SYNJ2: variants seen among roughly 807,000 people sequenced by gnomAD.
The protein encoded by SYNJ2 is synaptojanin 2, also known as polyphosphatidylinositol phosphatase SYNJ2.
SYNJ2 carries 116 observed loss-of-function variants against 141.3 expected under a neutral mutation model. That is an observed-to-expected ratio of 0.82 (90% CI 0.71 to 0.96). The LOEUF is 0.96. Ranked by LOEUF, SYNJ2 falls within the 40% of genes least tolerant of loss-of-function variation. The probability of loss-of-function intolerance (pLI) is 0.00; values close to 1 mark genes in which losing one functional copy is unlikely to be tolerated. For missense variants in SYNJ2, 1,873 were observed against 1,934.8 expected (o/e 0.97, Z 0.60); for synonymous variants, 745 against 777.7 (o/e 0.96, Z 0.70).
chr6:158,093,427 C>A (rs1783591870), intron 26 of SYNJ2, among the ~76,000 whole-genome samples: 1 of 143,432 alleles, frequency 7.0e-6, no homozygotes. Flanking sequence ...CAGAGTGAGA[C>A]TCCACCTCAA....
chr6:158,008,650 A>C (rs1275515447), intron 1 of SYNJ2, among the ~76,000 whole-genome samples: 1 of 152,166 alleles, frequency 6.6e-6, no homozygotes, highest in East Asian at 1.9e-4. Flanking sequence ...ATGTCACCCT[A>C]CTTTTCTTTG....
intron 2 of SYNJ2, among the ~76,000 whole-genome samples, chr6:158,020,678 GTGTGACTCCATGTA>G (rs1406426393): frequency 1.3e-5 from 2 of 151,146 alleles, no homozygotes; most frequent in Non-Finnish European, 3.0e-5. Context: ...GACTTCAGCT[GTGTGACTCCATGTA>G]TGTGACCCTA....
intron 25 of SYNJ2, among the ~76,000 whole-genome samples, chr6:158,090,695 G>T (rs1750035): frequency 2.0e-5 from 3 of 151,432 alleles, no homozygotes; most frequent in Non-Finnish European, 4.4e-5. Flanking sequence ...CAGGCGCGCA[G>T]CCCCATGATG....
chr6:158,059,752 A>G (rs12662866), intron 7 of SYNJ2, among the ~76,000 whole-genome samples: 1 of 152,026 alleles, frequency 6.6e-6, no homozygotes, highest in Non-Finnish European at 1.5e-5. Context: ...ACGGGGTTTC[A>G]CCATGTTGTT....
At chr6:158,069,332 G>A (rs1781765990) in intron 13 of SYNJ2, among the ~76,000 whole-genome samples, 1 of 152,124 alleles carries the variant, frequency 6.6e-6, no homozygotes, top group Non-Finnish European at 1.5e-5. Flanking sequence ...GTCAAGGGAG[G>A]GCTGCTGTGA....
chr6:158,033,772 G>A, intron 4 of SYNJ2, 92 bp downstream of exon 4: 1 of 1,325,248 alleles, frequency 7.5e-7, no homozygotes, highest in Non-Finnish European at 1.0e-6. Flanking sequence ...AAGAGGCCCT[G>A]GCATATTTGT....
Position 158,086,955 on chromosome 6 carries a change from GCCA to G in SYNJ2, c.3312_3314del (p.Pro1105del), listed in dbSNP as rs1367778544. The G allele has an allele frequency of 1.9e-6, 3 of 1,602,972 alleles. No homozygotes were observed. In the Admixed American group the frequency reaches 5.0e-5, roughly 27 times the overall value. On this transcript the variant is annotated inframe_deletion, in exon 23 of 27. Coordinates refer to ENST00000355585, the MANE Select transcript of SYNJ2 (RefSeq NM_003898.4). ...CTCTGTCGGTCCCCAACCGGCCTCG[GCCA>G]CCTCAACCCCCGCAGAGACCCCCCC...
chr6:157,986,739 G>A (rs2128313447), intron 1 of SYNJ2, among the ~76,000 whole-genome samples: 1 of 152,282 alleles, frequency 6.6e-6, no homozygotes, highest in East Asian at 1.9e-4. Context: ...GCCTTTAATT[G>A]TGAAAACGTT....
intron 25 of SYNJ2, among the ~76,000 whole-genome samples, 153 bp downstream of exon 25, chr6:158,090,100 A>AT (rs1474625512): frequency 3.9e-5 from 6 of 152,364 alleles, no homozygotes; most frequent in African/African-American, 1.4e-4. Flanking sequence ...ATATAAATCT[A>AT]TACTAAGATT....
At chr6:158,032,557 G>A (rs949711128) in intron 3 of SYNJ2, among the ~76,000 whole-genome samples, 1 of 152,180 alleles carries the variant, frequency 6.6e-6, no homozygotes, top group Non-Finnish European at 1.5e-5. Flanking sequence ...AGGTGCACAT[G>A]GAAACGTAGG....
chr6:158,047,103 C>A (rs1780280730), intron 5 of SYNJ2, among the ~76,000 whole-genome samples: 1 of 151,978 alleles, frequency 6.6e-6, no homozygotes, highest in Admixed American at 6.6e-5. Flanking sequence ...TTCCTTTTTT[C>A]CAAAAAGGAC....
chr6:158,094,590 C>T (rs540167591), intron 26 of SYNJ2, among the ~76,000 whole-genome samples: 2 of 152,282 alleles, frequency 1.3e-5, no homozygotes, highest in South Asian at 2.1e-4. Context: ...CTTGTAAAAG[C>T]CAGGAGCAGA....
Position 158,066,616 on chromosome 6 carries a change from G to A in SYNJ2, c.1698G>A (p.Ser566=), listed in dbSNP as rs144542416. The A allele has an allele frequency of 1.6e-4, 263 of 1,613,618 alleles. No individual in the cohort carries two copies. The African/African-American group carries it at 2.7e-3, about 17-fold the overall frequency. Residue 566 remains serine (S), a synonymous_variant, in exon 12 of 27, where the codon TCG becomes TCA. Coordinates refer to ENST00000355585, the MANE Select transcript of SYNJ2 (RefSeq NM_003898.4). ...TDWLLDSPQL[S]GATDSQDDSS... Reference sequence around the variant, plus strand: ...GGCTGCTCGACTCGCCCCAGCTCTCGGGAGCTACCGACTCCCAGGGTGAGG... The same window carrying A: ...GGCTGCTCGACTCGCCCCAGCTCTCAGGAGCTACCGACTCCCAGGGTGAGG...
chr6:158,006,239 G>A (rs1024605002), intron 1 of SYNJ2, among the ~76,000 whole-genome samples: 3 of 151,952 alleles, frequency 2.0e-5, no homozygotes, highest in South Asian at 2.1e-4. Context: ...ATGCACACAC[G>A]CACGATCCAT....
intron 18 of SYNJ2, chr6:158,078,808 TGA>T (rs201240145): frequency 0.013 from 1,764 of 137,208 alleles, 212 homozygotes; most frequent in South Asian, 0.033. Context: ...TTTTTTTTTT[TGA>T]GAGAGAGTCT....
chr6:158,031,453 G>A (rs1340801777), intron 3 of SYNJ2, among the ~76,000 whole-genome samples: 1 of 152,238 alleles, frequency 6.6e-6, no homozygotes, highest in Non-Finnish European at 1.5e-5. Context: ...CCTTTCTGAA[G>A]GGAGAGGAGG....
rs369503288 is a variant in SYNJ2 at position 158,081,286 on chromosome 6, C to T, written c.2745C>T (p.Leu915=). ...TTCCAGAGGACCTGCGTACTGAGCT[C>T]ATGCAGACCTTGGGGAGTTATGGGA... ...NEFPEDLRTE[L]MQTLGSYGTI... Residue 915 remains leucine, a synonymous_variant, in exon 19 of 27, where the codon CTC becomes CTT. Coordinates refer to ENST00000355585, the MANE Select transcript of SYNJ2 (RefSeq NM_003898.4). The T allele has an allele frequency of 7.6e-5, 122 of 1,614,058 alleles. No individual in the cohort carries two copies. The highest frequency in any genetic ancestry group is 8.9e-5 in the Non-Finnish European group (105 of 1,180,040).
At chr6:158,000,859 C>T (rs558149178) in intron 1 of SYNJ2, among the ~76,000 whole-genome samples, 5 of 152,290 alleles carry the variant, frequency 3.3e-5, no homozygotes, top group East Asian at 1.9e-4. Context: ...GTCCCTGTCT[C>T]GTGGTGCTCC....
chr6:158,090,545 T>TG (rs1157523126), intron 25 of SYNJ2, among the ~76,000 whole-genome samples: 3 of 145,004 alleles, frequency 2.1e-5, no homozygotes, highest in South Asian at 2.2e-4. Flanking sequence ...TTTTTTTGTT[T>TG]TTTTTTTTTT....
Sources: gnomAD v4.1 joint callset for allele counts (sites outside exome capture counted in the v4.1 genomes callset) on GRCh38, gnomAD v4.1.1 for gene constraint, MANE v1.5 for transcripts, NCBI Gene and HGNC (gene_info 2026-07-23, HGNC 2026-07-21) for gene names.